RNF212: variants seen among roughly 807,000 people sequenced by gnomAD.
The protein encoded by RNF212 is ring finger protein 212, also known as probable E3 SUMO-protein ligase RNF212.
RNF212 carries 33 observed loss-of-function variants against 34.7 expected under a neutral mutation model. That is an observed-to-expected ratio of 0.95 (90% CI 0.72 to 1.27). The LOEUF is 1.27. RNF212 is among the 50% of genes most tolerant of loss of function. The pLI is 0.00. For synonymous variants in RNF212, 140 were observed against 136.1 expected (o/e 1.03, Z -0.20); for missense variants, 377 against 362.2 (o/e 1.04, Z -0.33).
At chr4:1,097,043 T>A (rs1313349699) in intron 2 of RNF212, among the ~76,000 whole-genome samples, 1 of 152,184 alleles carries the variant, frequency 6.6e-6, no homozygotes, top group East Asian at 1.9e-4. Context: ...CTCTGAGGGC[T>A]GTGCCGGACA....
chr4:1,097,726 A>G (rs1723279525), intron 2 of RNF212, among the ~76,000 whole-genome samples: 1 of 152,106 alleles, frequency 6.6e-6, no homozygotes. Flanking sequence ...AGCACAAAAC[A>G]CTAGGCGACA....
chr4:1,104,721 C>A (rs879912862), intron 2 of RNF212, among the ~76,000 whole-genome samples: 28 of 152,174 alleles, frequency 1.8e-4, no homozygotes, highest in Non-Finnish European at 4.4e-5. Context: ...GTCACTGGCC[C>A]AGCTCAGATG....
chr4:1,073,231 G>A (rs1470068016), intron 9 of RNF212, 38 bp from the exon 10 acceptor site: 3 of 1,602,348 alleles, frequency 1.9e-6, no homozygotes, highest in Non-Finnish European at 2.6e-6. Context: ...TGGGGAGATG[G>A]CCTGTGTGGG....
At chr4:1,101,019 C>A in intron 2 of RNF212, 1 of 173,572 alleles carries the variant, frequency 5.8e-6, no homozygotes, top group East Asian at 1.5e-4. Context: ...TATTAAAACT[C>A]CTGTCTATAA....
intron 2 of RNF212, among the ~76,000 whole-genome samples, chr4:1,097,376 G>A (rs866964599): frequency 5.3e-5 from 8 of 152,200 alleles, no homozygotes; most frequent in Middle Eastern, 3.4e-3. Context: ...AGGCCGAGGC[G>A]GGCGGATCAC....
chr4:1,081,642 T>C (rs748734840), intron 5 of RNF212, 23 bp from the exon 6 acceptor site: 6 of 1,562,110 alleles, frequency 3.8e-6, no homozygotes, highest in African/African-American at 1.4e-5. Context: ...AGAAAAGGTA[T>C]TGAATTAAAT....
At chr4:1,099,506 G>A (rs996766861) in intron 2 of RNF212, among the ~76,000 whole-genome samples, 3 of 152,126 alleles carry the variant, frequency 2.0e-5, no homozygotes, top group African/African-American at 7.2e-5. Context: ...GGAGCGGGGC[G>A]GGGAAGGCCA....
chr4:1,060,097 CAA>C (rs1162381231), intron 3 of RNF212, among the ~76,000 whole-genome samples: 14 of 36,800 alleles, frequency 3.8e-4, no homozygotes, highest in Admixed American at 7.8e-4. Context: ...GAAACTCCAT[CAA>C]AAAAAAAAAA....
downstream of RNF212, among the ~76,000 whole-genome samples, chr4:1,070,118 G>A (rs1405859400): frequency 6.6e-6 from 1 of 151,270 alleles, no homozygotes; most frequent in African/African-American, 2.4e-5. Context: ...CAGCGTGGAC[G>A]CCTGGCCTGA....
intron 4 of RNF212, chr4:1,058,275 CGGGGGTT>C: frequency 1.5e-6 from 1 of 672,660 alleles, no homozygotes; most frequent in Non-Finnish European, 1.8e-6. Context: ...AAGGTGCTTG[CGGGGGTT>C]AGAACGCAGT....
chr4:1,063,949 T>C (rs1019077515), intron 3 of RNF212, among the ~76,000 whole-genome samples: 2 of 151,314 alleles, frequency 1.3e-5, no homozygotes, highest in Non-Finnish European at 2.9e-5. Context: ...TACCAAGTGC[T>C]AAAAAGTCAA....
chr4:1,078,299 TCTC>T (rs1719668149), intron 8 of RNF212, among the ~76,000 whole-genome samples: 1 of 152,164 alleles, frequency 6.6e-6, no homozygotes, highest in Non-Finnish European at 1.5e-5. Flanking sequence ...CCCACAGGCT[TCTC>T]AAGTCCTGAT....
At chr4:1,083,852 T>C (rs1488719198) in intron 5 of RNF212, among the ~76,000 whole-genome samples, 4 of 151,660 alleles carry the variant, frequency 2.6e-5, no homozygotes, top group African/African-American at 9.7e-5. Flanking sequence ...TGGGCAGGAA[T>C]TTTACAGAAC....
chr4:1,108,407 A>C lies in RNF212; in HGVS notation c.110-3T>G. ...AATCAAGCATTCATTCTTTTTACCTATAAAATAAAAATAGGCTTTATTATA... is the reference window on the plus strand; with the variant it reads ...AATCAAGCATTCATTCTTTTTACCTCTAAAATAAAAATAGGCTTTATTATA... On this transcript the variant is annotated splice_region_variant and splice_polypyrimidine_tract_variant and intron_variant, in intron 1 of 9. Transcript: ENST00000433731. The C allele has an allele frequency of 1.4e-6, 2 of 1,473,024 alleles. No individual in the cohort carries two copies. Among genetic ancestry groups the C allele is most frequent in the Non-Finnish European group, 1.8e-6 (2 of 1,109,924 alleles). 91.2% of individuals were successfully genotyped at this position (1,473,024 alleles called of 1,614,324 possible).
chr4:1,093,572 C>A (rs1208011571), intron 3 of RNF212: 2 of 1,535,904 alleles, frequency 1.3e-6, no homozygotes, highest in Non-Finnish European at 1.7e-6. Flanking sequence ...GCCTGAGAGG[C>A]ACGAGAGGCA....
At chr4:1,088,199 T>C (rs886289129) in intron 4 of RNF212, among the ~76,000 whole-genome samples, 1 of 152,174 alleles carries the variant, frequency 6.6e-6, no homozygotes, top group African/African-American at 2.4e-5. Context: ...GATAGTGATA[T>C]GGATGGTGAA....
chr4:1,086,055 T>C (rs1721111046), intron 4 of RNF212, 101 bp from the exon 5 acceptor site: 3 of 847,808 alleles, frequency 3.5e-6, no homozygotes, highest in Non-Finnish European at 4.0e-6. Context: ...TGGGTTACTC[T>C]GCATGGAGTT....
At chr4:1,057,454 A>C (rs1717404281) in intron 4 of RNF212, among the ~76,000 whole-genome samples, 1 of 152,162 alleles carries the variant, frequency 6.6e-6, no homozygotes, top group African/African-American at 2.4e-5. Flanking sequence ...AGGTCTGAGA[A>C]GAGCAGGGGG....
intron 2 of RNF212, chr4:1,101,106 G>T: frequency 6.2e-6 from 1 of 161,904 alleles, no homozygotes. Flanking sequence ...CTATTAACAG[G>T]AATTGAGTTG....
Sources: allele counts gnomAD v4.1 joint callset (sites outside exome capture counted in the v4.1 genomes callset), GRCh38; gene constraint gnomAD v4.1.1; transcripts MANE v1.5; gene names NCBI Gene and HGNC (gene_info 2026-07-23, HGNC 2026-07-21).